Variants in TMEM43 observed in about 807,000 individuals in gnomAD.
TMEM43 encodes transmembrane protein 43.
Under a neutral mutation model 49.6 loss-of-function variants are expected in TMEM43, and 45 were observed. The ratio of observed to expected loss-of-function variants is 0.91; its 90% confidence interval spans 0.71 to 1.16. The LOEUF is 1.16. Ranked by LOEUF, TMEM43 falls within the 50% of genes most tolerant of loss-of-function variation. The probability of loss-of-function intolerance (pLI) is 0.00; values close to 1 mark genes in which losing one functional copy is unlikely to be tolerated. For synonymous variants in TMEM43, 199 were observed against 207.8 expected, an observed-to-expected ratio of 0.96 and a Z score of 0.36; for missense variants, 532 against 516.6, an observed-to-expected ratio of 1.03 and a Z score of -0.29.
rs758440005 is a variant in TMEM43 at position 14,143,215 on chromosome 3, C to T, written c.*1420C>T. 1 of 152,144 alleles carries T rather than the reference C, an allele frequency of 6.6e-6. No homozygotes were observed. The highest frequency in any genetic ancestry group is 1.5e-5 in the Non-Finnish European group (1 of 68,028). 9.4% of individuals were successfully genotyped at this position (152,144 alleles called of 1,614,324 possible). On this transcript the variant is annotated 3_prime_UTR_variant, in exon 12 of 12. Coordinates refer to ENST00000306077, the MANE Select transcript of TMEM43 (RefSeq NM_024334.3). ...TACCTTTTCTGTCATATTCAGAAAC[C>T]GTTTTGTGCCTGCTGGGAGTAATTC...
rs1695153232 is a variant in TMEM43, at chr3:14,135,250, G to A, written c.780+18G>A. 6 of 1,605,906 alleles carry A rather than the reference G, an allele frequency of 3.7e-6. No individual in the cohort carries two copies. Among genetic ancestry groups the A allele is most frequent in the Non-Finnish European group, 5.1e-6 (6 of 1,175,964 alleles). ...CTCACGTGGTAACCTGGCTTCCCAGGGGCAGACACTAAGTCAGAGCCTCAC... is the reference window on the plus strand; with the variant it reads ...CTCACGTGGTAACCTGGCTTCCCAGAGGCAGACACTAAGTCAGAGCCTCAC... On this transcript the variant is annotated intron_variant, in intron 9 of 11. Coordinates refer to ENST00000306077, the MANE Select transcript of TMEM43 (RefSeq NM_024334.3).
chr3:14,130,980 C>G, intron 3 of TMEM43, 24 bp downstream of exon 3: 1 of 1,601,972 alleles, frequency 6.2e-7, no homozygotes, highest in Non-Finnish European at 8.5e-7. Context: ...GGGATGCTGA[C>G]CTGCCAGTGG....
intron 7 of TMEM43, 118 bp downstream of exon 7, chr3:14,133,927 C>A (rs561021311): frequency 8.3e-6 from 8 of 962,334 alleles, no homozygotes; most frequent in Non-Finnish European, 1.3e-5. Flanking sequence ...CTGCACCTTT[C>A]CCAGCACCAT....
intron 5 of TMEM43, 22 bp from the exon 6 acceptor site, chr3:14,132,844 G>A: frequency 6.2e-7 from 1 of 1,613,480 alleles, no homozygotes; most frequent in South Asian, 1.1e-5. Flanking sequence ...CGGGCTCTGA[G>A]TTGATTCCTC....
intron 11 of TMEM43, 146 bp downstream of exon 11, chr3:14,139,443 A>G (rs1223363256): frequency 2.8e-6 from 2 of 705,162 alleles, no homozygotes; most frequent in East Asian, 2.6e-5. Context: ...TCCCCGCTCC[A>G]TAGCCTTGGG....
intron 1 of TMEM43, chr3:14,129,186 T>C: frequency 2.2e-6 from 1 of 448,294 alleles, no homozygotes; most frequent in Non-Finnish European, 4.0e-6. Context: ...AGAAACTTTT[T>C]GGGGTGATGG....
chr3:14,125,280 G>T, intron 1 of TMEM43, 75 bp downstream of exon 1: 2 of 1,536,308 alleles, frequency 1.3e-6, no homozygotes, highest in Non-Finnish European at 8.8e-7. Context: ...GGGTCCTCTA[G>T]GTCCATTTCG....
chr3:14,127,169 AATAC>A (rs1574935702), intron 1 of TMEM43, among the ~76,000 whole-genome samples: 1 of 152,116 alleles, frequency 6.6e-6, no homozygotes, highest in South Asian at 2.1e-4. Context: ...GTATACATGT[AATAC>A]ATACTATATG....
At chr3:14,127,606 G>T (rs985044359) in intron 1 of TMEM43, among the ~76,000 whole-genome samples, 2 of 152,206 alleles carry the variant, frequency 1.3e-5, no homozygotes, top group Non-Finnish European at 2.9e-5. Context: ...TCGGTGAAAT[G>T]GGGTCGTTAT....
In TMEM43 at chr3:14,131,694, ACT is replaced by A; in HGVS notation, c.392+23_392+24del. 6.3e-7 allele frequency: 1 copy of A among 1,584,716 alleles called. No individual in the cohort carries two copies. Among genetic ancestry groups the A allele is most frequent in the Non-Finnish European group, 8.7e-7 (1 of 1,153,878 alleles). On this transcript the variant is annotated intron_variant, in intron 4 of 11. Transcript: ENST00000306077. ...GTCCAGGTGAGCTGTTGGGGTGAAAACTCTGTTGGGGTAAAGGAGGAGTGAAG... is the reference window on the plus strand; with the variant it reads ...GTCCAGGTGAGCTGTTGGGGTGAAAACTGTTGGGGTAAAGGAGGAGTGAAG...
chr3:14,142,065 T>G lies in TMEM43; in HGVS notation c.*270T>G. ...GCTGACAGCTTCTCCTGCTGTTTCC[T>G]TCCTCTCTTGGACTGAGTGGGTACG... On this transcript the variant is annotated 3_prime_UTR_variant, in exon 12 of 12. Transcript: ENST00000306077. 1 of 517,572 alleles carries G rather than the reference T, an allele frequency of 1.9e-6. No individual in the cohort carries two copies. Among genetic ancestry groups the G allele is most frequent in the Non-Finnish European group, 3.5e-6 (1 of 284,804 alleles). The allele number at this position is 517,572 out of a possible 1,614,324, so 32.1% of individuals were successfully genotyped here.
rs1257639648 is a variant in TMEM43, at chr3:14,143,307, C to A, written c.*1512C>A. On this transcript the variant is annotated 3_prime_UTR_variant, in exon 12 of 12. Coordinates refer to ENST00000306077, the MANE Select transcript of TMEM43 (RefSeq NM_024334.3). ...ACTTCTGAAACCAGAGATCTGTAAT[C>A]ATCTCTATTGGCCTGGGGTGCCTGT... 6.6e-6 allele frequency: 1 copy of A among 152,200 alleles called. No homozygotes were observed. The highest frequency in any genetic ancestry group is 2.4e-5 in the African/African-American group (1 of 41,444). 9.4% of individuals were successfully genotyped at this position (152,200 alleles called of 1,614,324 possible).
intron 3 of TMEM43, 67 bp from the exon 4 acceptor site, chr3:14,131,513 G>T: frequency 7.3e-7 from 1 of 1,372,046 alleles, no homozygotes; most frequent in Non-Finnish European, 1.0e-6. Context: ...CTTCCCCTGA[G>T]CCAGGCTTTC....
Position 14,130,916 on chromosome 3 carries a change from G to A in TMEM43, c.257G>A (p.Gly86Glu), listed in dbSNP as rs771454768. ...CACAGTGTGGCTCCGGAGAATGAAG[G>A]AAGGCTGGTGCACATCATTGGCGCC... ...SIHSVAPENE[G>E]RLVHIIGALR... The change falls in exon 3 of 12, where the codon GGA (glycine) becomes GAA (glutamate). Residue 86 changes from glycine to glutamate, a missense_variant. Gly to Glu is a moderately conservative substitution (Grantham distance 98). Coordinates refer to ENST00000306077, the MANE Select transcript of TMEM43 (RefSeq NM_024334.3). 6 of 1,613,522 alleles carry A rather than the reference G, an allele frequency of 3.7e-6. No individual in the cohort carries two copies. The highest frequency in any genetic ancestry group is 5.1e-6 in the Non-Finnish European group (6 of 1,179,608).
In TMEM43 at chr3:14,142,160, C is replaced by T. The variant is rs1474213383; in HGVS notation, c.*365C>T. 2 of 332,028 alleles carry T rather than the reference C, an allele frequency of 6.0e-6. No homozygotes were observed. Among genetic ancestry groups the T allele is most frequent in the Non-Finnish European group, 1.2e-5 (2 of 172,192 alleles). The allele number at this position is 332,028 out of a possible 1,614,324, so 20.6% of individuals were successfully genotyped here. On this transcript the variant is annotated 3_prime_UTR_variant, in exon 12 of 12. Coordinates refer to ENST00000306077, the MANE Select transcript of TMEM43 (RefSeq NM_024334.3). ...TACGGAGGCCTGCTGATAAAGGGCT[C>T]AGCCTTGCCGTGTGCTGCTTCTCAT... is the stretch of plus-strand genomic sequence containing the variant.
At chr3:14,136,514 C>CA (rs1695172053) in intron 10 of TMEM43, among the ~76,000 whole-genome samples, 1 of 152,210 alleles carries the variant, frequency 6.6e-6, no homozygotes, top group African/African-American at 2.4e-5. Context: ...CAGAGTAGAA[C>CA]ATCCGTTTCT....
chr3:14,139,779 C>T (rs1334275677), intron 11 of TMEM43, among the ~76,000 whole-genome samples: 1 of 152,216 alleles, frequency 6.6e-6, no homozygotes, highest in African/African-American at 2.4e-5. Context: ...CTTCCTCACT[C>T]CAAAACCTGG....
rs1695161214 is a variant in TMEM43 at position 14,135,806 on chromosome 3, G to C, written c.781-1G>C. 6.2e-7 allele frequency: 1 copy of C among 1,612,778 alleles called. No homozygotes were observed. Among genetic ancestry groups the C allele is most frequent in the African/African-American group, 1.3e-5 (1 of 74,916 alleles). ...GCTCTAACACCAGGTCCTCTGACCA[G>C]GTCACTGTGATTGCCCGGCAGCGGG... On this transcript the variant is annotated splice_acceptor_variant, in intron 9 of 11. Coordinates refer to ENST00000306077, the MANE Select transcript of TMEM43 (RefSeq NM_024334.3). LOFTEE classifies it high-confidence loss of function.
chr3:14,138,689 C>T (rs921282441), intron 10 of TMEM43, among the ~76,000 whole-genome samples: 2 of 152,102 alleles, frequency 1.3e-5, no homozygotes, highest in African/African-American at 4.8e-5. Context: ...ATGGGATGTC[C>T]GGGGAGAGAG....
Sources: allele counts gnomAD v4.1 joint callset (sites outside exome capture counted in the v4.1 genomes callset), GRCh38; gene constraint gnomAD v4.1.1; transcripts MANE v1.5; gene names NCBI Gene and HGNC (gene_info 2026-07-23, HGNC 2026-07-21).